The following RBFOX1 variants were observed in gnomAD, a reference collection of about 807,000 sequenced individuals.
RBFOX1 encodes RNA binding fox-1 homolog 1.
Under a neutral mutation model 57.7 loss-of-function variants are expected in RBFOX1, and 8 were observed. The observed-to-expected ratio is 0.14, with a 90% CI of 0.08 to 0.25. The LOEUF (loss-of-function observed/expected upper bound fraction) is 0.25. RBFOX1 is among the 10% of genes least tolerant of loss of function. RBFOX1 has a pLI of 1.00. For missense variants in RBFOX1, 611 were observed against 548.5 expected, an observed-to-expected ratio of 1.11 and a Z score of -1.14; for synonymous variants, 326 against 222.4, an observed-to-expected ratio of 1.47 and a Z score of -4.15.
chr16:7,094,775 T>TGGGG lies in RBFOX1; in HGVS notation c.27+42680_27+42681insGGGG, dbSNP rs71147651. Among the ~76,000 whole-genome samples, 250 of 139,796 alleles carry TGGGG rather than the reference T, an allele frequency of 1.8e-3. 1 individual carries two copies. Among genetic ancestry groups the TGGGG allele is most frequent in the Middle Eastern group, 3.7e-3 (1 of 272 alleles). 91.7% of individuals were successfully genotyped at this position (139,796 alleles called of 152,430 possible). A position where few individuals can be genotyped will look rare whatever the true frequency, so the allele number is the denominator to read the frequency against. On this transcript the variant is annotated intron_variant, in intron 4 of 15. Transcript: ENST00000550418. ...GTGTGTGTGTGTGTGTGTGTGTGTG[T>TGGGG]GGGTGTGTGTGTGTGTTGAGAGAGA... is the stretch of plus-strand genomic sequence containing the variant.
intron 3 of RBFOX1, among the ~76,000 whole-genome samples, chr16:6,766,519 A>T (rs1225854829): frequency 1.3e-5 from 2 of 151,946 alleles, no homozygotes; most frequent in Non-Finnish European, 2.9e-5. Context: ...CCGGAATAGC[A>T]CTGTCCAATA....
chr16:5,567,088 A>G (rs2046098935), intron 2 of RBFOX1, among the ~76,000 whole-genome samples: 1 of 152,128 alleles, frequency 6.6e-6, no homozygotes, highest in Non-Finnish European at 1.5e-5. Flanking sequence ...GAAATGCCAC[A>G]CAAAGACCCT....
At chr16:6,628,288 C>G (rs17664902) in intron 2 of RBFOX1, among the ~76,000 whole-genome samples, 1 of 152,148 alleles carries the variant, frequency 6.6e-6, no homozygotes, top group Non-Finnish European at 1.5e-5. Flanking sequence ...ACTGCTTTCC[C>G]GTTAACGGTT....
chr16:7,166,378 A>C (rs965713249), intron 4 of RBFOX1, among the ~76,000 whole-genome samples: 1 of 152,074 alleles, frequency 6.6e-6, no homozygotes, highest in Non-Finnish European at 1.5e-5. Context: ...CTTACAGGTG[A>C]GGTTCTGAGG....
At chr16:5,505,328 C>T (rs368639983) in intron 2 of RBFOX1, among the ~76,000 whole-genome samples, 19 of 152,266 alleles carry the variant, frequency 1.2e-4, no homozygotes, top group Middle Eastern at 3.4e-3. Flanking sequence ...ATTTTCCCTG[C>T]TTGGTGCCTG....
intron 2 of RBFOX1, among the ~76,000 whole-genome samples, chr16:5,555,668 G>A (rs1169306493): frequency 1.3e-5 from 2 of 152,174 alleles, no homozygotes; most frequent in African/African-American, 4.8e-5. Context: ...CTGTTGAAGT[G>A]AGGATTGAGG....
intron 1 of RBFOX1, among the ~76,000 whole-genome samples, chr16:5,393,360 C>G (rs2066466063): frequency 1.3e-5 from 2 of 152,188 alleles, no homozygotes; most frequent in Non-Finnish European, 2.9e-5. Context: ...TGTCCGTGTC[C>G]AGGCAGCCCT....
At chr16:5,314,188 A>G (rs1468274974) in intron 1 of RBFOX1, among the ~76,000 whole-genome samples, 1 of 152,240 alleles carries the variant, frequency 6.6e-6, no homozygotes, top group African/African-American at 2.4e-5. Flanking sequence ...GGCCCAGGTC[A>G]TGCAGTGGGT....
chr16:7,473,097 G>T (rs148083168), intron 4 of RBFOX1, among the ~76,000 whole-genome samples: 16 of 152,130 alleles, frequency 1.1e-4, no homozygotes, highest in Non-Finnish European at 2.1e-4. Context: ...AAGGATCTCC[G>T]CTAGGTGCAG....
intron 3 of RBFOX1, among the ~76,000 whole-genome samples, chr16:6,927,075 C>T (rs1048266762): frequency 4.6e-5 from 7 of 151,992 alleles, no homozygotes; most frequent in South Asian, 2.1e-4. Flanking sequence ...TTTCCTATAC[C>T]GATGGGCCTC....
intron 4 of RBFOX1, among the ~76,000 whole-genome samples, chr16:7,397,390 C>T (rs1262271259): frequency 1.3e-5 from 2 of 152,154 alleles, no homozygotes; most frequent in African/African-American, 4.8e-5. Flanking sequence ...TGAACGTTGG[C>T]TTATAGGAGC....
chr16:6,577,838 A>G (rs1295974008), intron 2 of RBFOX1, among the ~76,000 whole-genome samples: 1 of 152,212 alleles, frequency 6.6e-6, no homozygotes, highest in Non-Finnish European at 1.5e-5. Flanking sequence ...TAAACCAGAT[A>G]GTGAAGCAGG....
At chr16:5,845,206 C>T (rs948766900) in intron 3 of RBFOX1, among the ~76,000 whole-genome samples, 1 of 151,942 alleles carries the variant, frequency 6.6e-6, no homozygotes, top group South Asian at 2.1e-4. Flanking sequence ...GAGTCATTGC[C>T]AAGGGGGTAT....
intron 3 of RBFOX1, among the ~76,000 whole-genome samples, chr16:5,736,560 C>T (rs897353953): frequency 1.2e-4 from 19 of 152,200 alleles, no homozygotes; most frequent in African/African-American, 3.9e-4. Flanking sequence ...GGGCCCGGAT[C>T]GGGGTCATTT....
At chr16:7,218,062 C>CGTGT (rs199674993) in intron 4 of RBFOX1, among the ~76,000 whole-genome samples, 2 of 132,894 alleles carry the variant, frequency 1.5e-5, no homozygotes, top group African/African-American at 6.1e-5. Context: ...CATGCGTGTG[C>CGTGT]GTGTGTGTGT....
chr16:6,981,042 C>CAAAAAAAAAA (rs36117809), intron 3 of RBFOX1, among the ~76,000 whole-genome samples: 2,503 of 77,022 alleles, frequency 0.032, 198 homozygotes, highest in South Asian at 0.055. Context: ...GTCTCAGTCT[C>CAAAAAAAAAA]AAAAAAAAAA....
At chr16:6,580,756 C>T (rs2097525888) in intron 2 of RBFOX1, among the ~76,000 whole-genome samples, 1 of 152,066 alleles carries the variant, frequency 6.6e-6, no homozygotes, top group African/African-American at 2.4e-5. Context: ...GTTCCCTGGC[C>T]CCACAAAGCT....
intron 1 of RBFOX1, among the ~76,000 whole-genome samples, chr16:6,133,448 C>A (rs981243424): frequency 6.6e-6 from 1 of 152,198 alleles, no homozygotes; most frequent in Non-Finnish European, 1.5e-5. Flanking sequence ...ACATTCCCTG[C>A]CTCTTGGGAT....
intron 4 of RBFOX1, among the ~76,000 whole-genome samples, chr16:7,081,292 C>T (rs1010822179): frequency 1.3e-5 from 2 of 152,234 alleles, no homozygotes; most frequent in African/African-American, 4.8e-5. Flanking sequence ...GCCTTGGCCT[C>T]CCAAAGTGCT....
Sources: gnomAD v4.1 joint callset for allele counts (sites outside exome capture counted in the v4.1 genomes callset) on GRCh38, gnomAD v4.1.1 for gene constraint, MANE v1.5 for transcripts, NCBI Gene and HGNC (gene_info 2026-07-23, HGNC 2026-07-21) for gene names.